Variants in PI4KA observed in about 807,000 individuals in gnomAD.
The protein encoded by PI4KA is PI4-kinase alpha.
A neutral mutation model predicts 271.4 loss-of-function variants in PI4KA; 122 were observed. The observed-to-expected ratio is 0.45, with a 90% confidence interval of 0.39 to 0.52. The LOEUF is 0.52. PI4KA is among the 20% of genes least tolerant of loss of function. The pLI, the probability that PI4KA is intolerant of heterozygous loss-of-function variation, is 0.00. For missense variants in PI4KA, 1,969 were observed against 2,769.1 expected (o/e 0.71, Z 6.48); for synonymous variants, 1,041 against 1,078.8 (o/e 0.96, Z 0.69).
At chr22:20,817,779 A>G (rs531276898) in intron 7 of PI4KA, among the ~76,000 whole-genome samples, 19 of 143,402 alleles carry the variant, frequency 1.3e-4, no homozygotes, top group Middle Eastern at 3.7e-3. Context: ...AAAAGTAGTA[A>G]CAGTAGTATT....
At chr22:20,830,585 G>C (rs1351926899) in intron 3 of PI4KA, among the ~76,000 whole-genome samples, 1 of 151,918 alleles carries the variant, frequency 6.6e-6, no homozygotes, top group Non-Finnish European at 1.5e-5. Context: ...ATTGGGTCTT[G>C]CTTCTTTATC....
At chr22:20,802,441 T>C (rs1214669059) in intron 13 of PI4KA, among the ~76,000 whole-genome samples, 1 of 152,190 alleles carries the variant, frequency 6.6e-6, no homozygotes, top group African/African-American at 2.4e-5. Context: ...ACCTCACTAA[T>C]ATGTACAAAG....
At chr22:20,730,360 C>T (rs551658578) in intron 36 of PI4KA, among the ~76,000 whole-genome samples, 287 of 148,964 alleles carry the variant, frequency 1.9e-3, no homozygotes, top group Non-Finnish European at 2.2e-3. Flanking sequence ...CTGCAACCTC[C>T]GCCTCCTGGG....
Position 20,842,705 on chromosome 22 carries a change from C to T in PI4KA, c.157-3974G>A, listed in dbSNP as rs143361748. 5.5e-3 allele frequency among the ~76,000 whole-genome samples: 840 copies of T among 151,676 alleles called. 25 individuals carry two copies. In the East Asian group the frequency reaches 0.066, roughly 12 times the overall value. The stretch of plus-strand genomic sequence containing the variant: ...GCCTGGGCCTATAATCCCAGCTACT[C>T]GGGAGGCTGAGGCACAAGAATTGCT... On this transcript the variant is annotated intron_variant, in intron 1 of 54. Coordinates refer to ENST00000255882, the MANE Select transcript of PI4KA (RefSeq NM_058004.4).
At chr22:20,786,493 C>T (rs1205272022) in intron 19 of PI4KA, among the ~76,000 whole-genome samples, 1 of 152,202 alleles carries the variant, frequency 6.6e-6, no homozygotes, top group Non-Finnish European at 1.5e-5. Flanking sequence ...GCACTATACA[C>T]ATACTTAACT....
At chr22:20,768,263 G>A (rs1932713495) in intron 19 of PI4KA, among the ~76,000 whole-genome samples, 1 of 151,850 alleles carries the variant, frequency 6.6e-6, no homozygotes, top group African/African-American at 2.4e-5. Context: ...GTAGAGAAAG[G>A]CTCTCACTAT....
At chr22:20,762,010 T>C (rs1019771699) in intron 22 of PI4KA, among the ~76,000 whole-genome samples, 4 of 152,280 alleles carry the variant, frequency 2.6e-5, no homozygotes, top group African/African-American at 7.2e-5. Context: ...TTTTCATCTT[T>C]AGTATCTTCT....
chr22:20,772,135 T>C (rs1281086364), intron 19 of PI4KA, among the ~76,000 whole-genome samples: 1 of 152,238 alleles, frequency 6.6e-6, no homozygotes, highest in African/African-American at 2.4e-5. Flanking sequence ...TCTCATTTAA[T>C]TTTCACAACA....
At chr22:20,807,232 C>A in intron 10 of PI4KA, 130 bp downstream of exon 10, 1 of 614,652 alleles carries the variant, frequency 1.6e-6, no homozygotes. Context: ...GTAACATGAC[C>A]ACTTTGCTCA....
intron 19 of PI4KA, among the ~76,000 whole-genome samples, chr22:20,772,911 G>A (rs1932949362): frequency 6.6e-6 from 1 of 152,168 alleles, no homozygotes; most frequent in Non-Finnish European, 1.5e-5. Context: ...GCAACATAGT[G>A]AGACCCTGTC....
At chr22:20,731,489 T>C (rs1928044439) in intron 36 of PI4KA, among the ~76,000 whole-genome samples, 1 of 152,210 alleles carries the variant, frequency 6.6e-6, no homozygotes, top group South Asian at 2.1e-4. Context: ...TTTAGGAGGC[T>C]GAGGCGGGCG....
chr22:20,760,189 G>T (rs1931820398), intron 23 of PI4KA, among the ~76,000 whole-genome samples: 1 of 152,106 alleles, frequency 6.6e-6, no homozygotes, highest in Admixed American at 6.6e-5. Context: ...ATGCCTCAAA[G>T]AATTTATTCA....
At chr22:20,743,388 C>T (rs1929687502) in intron 30 of PI4KA, among the ~76,000 whole-genome samples, 1 of 152,260 alleles carries the variant, frequency 6.6e-6, no homozygotes, top group East Asian at 1.9e-4. Flanking sequence ...AAATAATCCG[C>T]CCACCTTGGC....
intron 42 of PI4KA, chr22:20,726,228 C>T (rs938497732): frequency 1.1e-5 from 4 of 380,466 alleles, no homozygotes; most frequent in Non-Finnish European, 1.9e-5. Context: ...CCTGGCCAGG[C>T]TGCCTAGCCA....
At chr22:20,736,204 TGAGAAG>T (rs1242499023) in intron 32 of PI4KA, among the ~76,000 whole-genome samples, 1 of 151,974 alleles carries the variant, frequency 6.6e-6, no homozygotes, top group African/African-American at 2.4e-5. Flanking sequence ...CACGGCCATC[TGAGAAG>T]AGGGAATGCA....
intron 13 of PI4KA, 43 bp from the exon 14 acceptor site, chr22:20,802,148 ATT>A (rs1935371448): frequency 6.4e-7 from 1 of 1,570,904 alleles, no homozygotes; most frequent in East Asian, 2.2e-5. Context: ...TAGGCCTATC[ATT>A]TTCCATCACC....
At position 20,799,745 on chromosome 22, in the gene PI4KA, C is replaced by A; in HGVS notation, c.1746G>T (p.Thr582=). The A allele has an allele frequency of 6.4e-7, 1 of 1,552,460 alleles. No homozygotes were observed. The change falls in exon 15 of 55, where the codon ACG becomes ACT. Residue 582 remains threonine (T), a synonymous_variant. Transcript: ENST00000255882. The part of the protein sequence containing the change: ...NICRCLKAGL[T]VDPVIVEAFL... The stretch of plus-strand genomic sequence containing the variant: ...ACGCCTCCACAATCACTGGGTCCAC[C>A]GTCAATCCAGCCTTCAGGCACCTGA...
rs142551886 is a variant in PI4KA at position 20,729,440 on chromosome 22, G to C, written c.4555C>G (p.Gln1519Glu). Residue 1519 changes from glutamine (Q) to glutamate (E), a missense_variant, in exon 39 of 55, where the codon CAG (glutamine) becomes GAG (glutamate). Physicochemically the swap from Gln to Glu is conservative, Grantham distance 29. Transcript: ENST00000255882. ...PLSAPELELD[Q>E]AGENSVANWR... is the part of the protein sequence containing the mutation. ...TTGGCCACGCTGTTCTCTCCGGCCT[G>C]GTCTAGTTCCAGTTCCGGGGCTGAC... 188 of 1,612,488 alleles carry C rather than the reference G, an allele frequency of 1.2e-4. No homozygotes were observed. Among genetic ancestry groups the C allele is most frequent in the Non-Finnish European group, 1.1e-4 (131 of 1,179,266 alleles).
At chr22:20,751,524 G>T in intron 26 of PI4KA, 148 bp from the exon 27 acceptor site, 1 of 932,728 alleles carries the variant, frequency 1.1e-6, no homozygotes. Flanking sequence ...GGTGGATTTG[G>T]GCCCCCTCAC....
Sources: allele counts gnomAD v4.1 joint callset (sites outside exome capture counted in the v4.1 genomes callset), GRCh38; gene constraint gnomAD v4.1.1; transcripts MANE v1.5; gene names NCBI Gene and HGNC (gene_info 2026-07-23, HGNC 2026-07-21).